Variants in KLHL18 observed in about 807,000 individuals in gnomAD.
KLHL18 encodes the protein kelch-like protein 18.
In KLHL18, 38 loss-of-function variants were observed where a neutral mutation model predicts 58.5. That is an observed-to-expected ratio of 0.65 (90% CI 0.50 to 0.85). KLHL18 has a LOEUF of 0.85. KLHL18 is among the 40% of genes least tolerant of loss of function. The pLI is 0.00. For synonymous variants in KLHL18, 303 were observed against 301.9 expected (o/e 1.00, Z -0.04); for missense variants, 624 against 778.4 (o/e 0.80, Z 2.36).
intron 5 of KLHL18, 135 bp downstream of exon 5, chr3:47,333,452 C>G: frequency 1.2e-6 from 1 of 848,100 alleles, no homozygotes; most frequent in Non-Finnish European, 1.8e-6. Context: ...TTGGTCTGCC[C>G]TCTGTCTAGA....
chr3:47,330,285 T>C, intron 4 of KLHL18, 136 bp downstream of exon 4: 1 of 740,894 alleles, frequency 1.3e-6, no homozygotes, highest in Non-Finnish European at 2.2e-6. Flanking sequence ...GGGCTTGTTT[T>C]ACTGTATCAT....
chr3:47,331,679 C>T (rs1323193020), intron 4 of KLHL18, among the ~76,000 whole-genome samples: 1 of 151,548 alleles, frequency 6.6e-6, no homozygotes, highest in East Asian at 1.9e-4. Flanking sequence ...ATGATCTGCC[C>T]ACCTCGGCCT....
chr3:47,322,575 GA>G lies in KLHL18; in HGVS notation c.269del (p.Glu90GlyfsTer3). The G allele has an allele frequency of 1.2e-6, 2 of 1,602,996 alleles. No homozygotes were observed. The highest frequency in any genetic ancestry group is 1.7e-6 in the Non-Finnish European group (2 of 1,175,186). On this transcript the variant is annotated frameshift_variant, in exon 3 of 10. Transcript: ENST00000232766. LOFTEE classifies it high-confidence loss of function. ...VMQGMDPSALEALINFAYNGN... is the reference protein window; with the variant it reads ...VMQGMDPSALXALINFAYNGN... ...TTTCCCTCTTTCCTCTAGTGCCCTG[GA>G]GGCTCTGATCAACTTTGCCTACAAC...
At chr3:47,291,251 T>A (rs1455946235) in intron 1 of KLHL18, among the ~76,000 whole-genome samples, 2 of 152,236 alleles carry the variant, frequency 1.3e-5, no homozygotes, top group Admixed American at 1.3e-4. Context: ...CTTCCCAAAT[T>A]ACAAGCATGG....
chr3:47,300,287 T>TTATATATATATATATATA lies in KLHL18; in HGVS notation c.129+17199_129+17216dup, dbSNP rs1207306389. ...ATTCTTTTGCATCCTCACCGGCATT[T>TTATATATATATATATATA]TATATATATATATATATATATATGT... On this transcript the variant is annotated intron_variant, in intron 1 of 9. Transcript: ENST00000232766. Among the ~76,000 whole-genome samples, 356 of 133,058 alleles carry TTATATATATATATATATA rather than the reference T, an allele frequency of 2.7e-3. 2 individuals carry two copies. Among genetic ancestry groups the TTATATATATATATATATA allele is most frequent in the Non-Finnish European group, 4.0e-3 (252 of 62,860 alleles). The allele number at this position is 133,058 out of a possible 152,430, so 87.3% of individuals were successfully genotyped here. A position where few individuals can be genotyped will look rare whatever the true frequency, so the allele number is the denominator to read the frequency against.
intron 6 of KLHL18, among the ~76,000 whole-genome samples, chr3:47,335,398 G>A (rs1270907825): frequency 6.6e-6 from 1 of 152,166 alleles, no homozygotes; most frequent in Non-Finnish European, 1.5e-5. Flanking sequence ...ACAGTCCGTG[G>A]GTTATTGGCA....
intron 7 of KLHL18, chr3:47,336,965 G>C: frequency 1.8e-6 from 1 of 570,784 alleles, no homozygotes; most frequent in South Asian, 2.1e-5. Flanking sequence ...GGGGAACTTG[G>C]GGAGACCAGG....
intron 1 of KLHL18, among the ~76,000 whole-genome samples, chr3:47,292,377 G>A (rs949974083): frequency 2.6e-5 from 4 of 152,178 alleles, no homozygotes; most frequent in East Asian, 1.9e-4. Flanking sequence ...GGGAGGCTGA[G>A]GCGGGAGAAT....
chr3:47,293,922 A>G (rs1702842474), intron 1 of KLHL18, among the ~76,000 whole-genome samples: 1 of 152,188 alleles, frequency 6.6e-6, no homozygotes, highest in African/African-American at 2.4e-5. Flanking sequence ...GACACTTATT[A>G]CAATAGTAAT....
chr3:47,332,870 G>A (rs138385802), intron 4 of KLHL18, among the ~76,000 whole-genome samples: 6 of 152,266 alleles, frequency 3.9e-5, no homozygotes, highest in Admixed American at 3.3e-4. Context: ...GGGAGCAGGG[G>A]TACAGGAGCA....
chr3:47,343,489 C>T (rs1704155097), intron 9 of KLHL18, 66 bp from the exon 10 acceptor site: 6 of 1,575,922 alleles, frequency 3.8e-6, no homozygotes, highest in South Asian at 2.2e-5. Context: ...GTGCCCTGCA[C>T]GGTCACTCCA....
chr3:47,289,302 G>A (rs1397181833), intron 1 of KLHL18, among the ~76,000 whole-genome samples: 7 of 152,192 alleles, frequency 4.6e-5, no homozygotes, highest in Non-Finnish European at 1.0e-4. Flanking sequence ...GGCCCCTGCT[G>A]AGGTTTCGAA....
chr3:47,290,054 C>A (rs756009812), intron 1 of KLHL18, among the ~76,000 whole-genome samples: 1 of 152,166 alleles, frequency 6.6e-6, no homozygotes, highest in African/African-American at 2.4e-5. Flanking sequence ...ATGTAAAAAA[C>A]CCTGAGGCTT....
chr3:47,331,737 C>T (rs1703867814), intron 4 of KLHL18, among the ~76,000 whole-genome samples: 1 of 140,536 alleles, frequency 7.1e-6, no homozygotes, highest in Non-Finnish European at 1.6e-5. Flanking sequence ...CAGGCCCGAC[C>T]TTTTTTTTTT....
chr3:47,284,905 A>G (rs1044137107), intron 1 of KLHL18, among the ~76,000 whole-genome samples: 1 of 150,976 alleles, frequency 6.6e-6, no homozygotes, highest in South Asian at 2.1e-4. Context: ...TGCAACCTCC[A>G]CCTCCTGGCT....
At chr3:47,314,188 G>T (rs1437851563) in intron 1 of KLHL18, among the ~76,000 whole-genome samples, 1 of 151,970 alleles carries the variant, frequency 6.6e-6, no homozygotes, top group East Asian at 1.9e-4. Context: ...TTGTAGAGAT[G>T]AGGTCTTGCT....
At chr3:47,305,737 G>A (rs1703131807) in intron 1 of KLHL18, among the ~76,000 whole-genome samples, 1 of 152,018 alleles carries the variant, frequency 6.6e-6, no homozygotes. Flanking sequence ...TCTGGACCTG[G>A]TAGATTTCTT....
chr3:47,300,500 T>C (rs1703000323), intron 1 of KLHL18, among the ~76,000 whole-genome samples: 1 of 150,462 alleles, frequency 6.6e-6, no homozygotes, highest in Non-Finnish European at 1.5e-5. Context: ...ACTCCTGGGC[T>C]CAAGACCAGC....
intron 2 of KLHL18, 143 bp downstream of exon 2, chr3:47,319,926 T>G: frequency 1.1e-6 from 1 of 892,540 alleles, no homozygotes; most frequent in Non-Finnish European, 1.7e-6. Flanking sequence ...ATAAGCAGAT[T>G]AGAACCTGGG....
Sources: allele counts gnomAD v4.1 joint callset (sites outside exome capture counted in the v4.1 genomes callset), GRCh38; gene constraint gnomAD v4.1.1; transcripts MANE v1.5; gene names NCBI Gene and HGNC (gene_info 2026-07-23, HGNC 2026-07-21).